The following CDH20 variants were observed in gnomAD, a reference collection of about 807,000 sequenced individuals.
The protein encoded by CDH20 is cadherin-20.
CDH20 carries 29 observed loss-of-function variants against 74.2 expected under a neutral mutation model. That is an observed-to-expected ratio of 0.39 (90% CI 0.29 to 0.53). CDH20 has a LOEUF of 0.53. Ranked by LOEUF, CDH20 falls within the 20% of genes least tolerant of loss-of-function variation. The pLI is 0.69. For missense variants in CDH20, 988 were observed against 1,048.3 expected, an observed-to-expected ratio of 0.94 and a Z score of 0.79; for synonymous variants, 469 against 405.4, an observed-to-expected ratio of 1.16 and a Z score of -1.88.
chr18:61,517,248 C>T lies in CDH20; in HGVS notation c.1017+9688C>T, dbSNP rs1023625708. On this transcript the variant is annotated intron_variant, in intron 6 of 11. Transcript: ENST00000262717. ...CCAACCTACCAAAGAAAAAGTAAGA[C>T]TTCATCAAAGTTAAGAGTTTCTGCT... 5.9e-5 allele frequency among the ~76,000 whole-genome samples: 9 copies of T among 152,296 alleles called. No homozygotes were observed. The East Asian group carries it at 9.7e-4, about 16-fold the overall frequency.
chr18:61,447,648 A>C (rs1909246112), intron 1 of CDH20, among the ~76,000 whole-genome samples: 1 of 152,214 alleles, frequency 6.6e-6, no homozygotes, highest in Non-Finnish European at 1.5e-5. Flanking sequence ...GGGTGAGTAA[A>C]GTCTATGATT....
intron 1 of CDH20, among the ~76,000 whole-genome samples, chr18:61,358,928 CT>C (rs11422321): frequency 4.6e-5 from 7 of 151,756 alleles, no homozygotes; most frequent in African/African-American, 1.7e-4. Flanking sequence ...GTGCAATGGA[CT>C]TTTTTTTCTG....
At chr18:61,544,255 T>C (rs1732400671) in intron 9 of CDH20, among the ~76,000 whole-genome samples, 1 of 152,202 alleles carries the variant, frequency 6.6e-6, no homozygotes, top group Non-Finnish European at 1.5e-5. Context: ...GGAGCGCTTT[T>C]GGGCTCTGGC....
rs34829043 is a variant in CDH20 at position 61,532,532 on chromosome 18, G to GTA, written c.1272-3938_1272-3937dup. Among the ~76,000 whole-genome samples, 242 of 145,498 alleles carry GTA rather than the reference G, an allele frequency of 1.7e-3. 4 individuals carry two copies. Among genetic ancestry groups the GTA allele is most frequent in the African/African-American group, 3.9e-3 (155 of 39,798 alleles). On this transcript the variant is annotated intron_variant, in intron 7 of 11. Coordinates refer to ENST00000262717, the MANE Select transcript of CDH20 (RefSeq NM_031891.4). Reference sequence around the variant, plus strand: ...AACTGTATACATGTGTGTATTGTATGTATATATATATATATATATATATAC... The same window carrying GTA: ...AACTGTATACATGTGTGTATTGTATGTATATATATATATATATATATATATAC...
chr18:61,362,239 A>G (rs1910716736), intron 1 of CDH20, among the ~76,000 whole-genome samples: 1 of 152,226 alleles, frequency 6.6e-6, no homozygotes, highest in Non-Finnish European at 1.5e-5. Context: ...GGTTCAATGT[A>G]GTGTTTAAAA....
At chr18:61,334,675 T>C (rs566998199) in intron 1 of CDH20, among the ~76,000 whole-genome samples, 1 of 151,934 alleles carries the variant, frequency 6.6e-6, no homozygotes, top group Admixed American at 6.6e-5. Context: ...GGGGCAGCAG[T>C]GGGGGCTGAA....
At chr18:61,348,408 T>C (rs575014239) in intron 1 of CDH20, among the ~76,000 whole-genome samples, 19 of 152,310 alleles carry the variant, frequency 1.2e-4, no homozygotes, top group South Asian at 1.2e-3. Context: ...CCATGTTTTA[T>C]GGTATCCTCA....
chr18:61,512,657 T>C (rs887701359), intron 6 of CDH20, among the ~76,000 whole-genome samples: 1 of 152,226 alleles, frequency 6.6e-6, no homozygotes, highest in African/African-American at 2.4e-5. Flanking sequence ...TAATATAATA[T>C]ATTTAAAGAC....
intron 1 of CDH20, among the ~76,000 whole-genome samples, chr18:61,476,706 T>G (rs936971936): frequency 1.3e-5 from 2 of 152,218 alleles, no homozygotes; most frequent in African/African-American, 2.4e-5. Context: ...TCTGATGCAC[T>G]TGAAATGGCT....
chr18:61,461,398 T>C (rs1247259567), intron 1 of CDH20, among the ~76,000 whole-genome samples: 1 of 150,856 alleles, frequency 6.6e-6, no homozygotes, highest in Non-Finnish European at 1.5e-5. Flanking sequence ...AAAATTAAGA[T>C]GTTGGGAGGA....
intron 1 of CDH20, among the ~76,000 whole-genome samples, chr18:61,456,603 A>C (rs1378567449): frequency 6.6e-6 from 1 of 152,180 alleles, no homozygotes; most frequent in East Asian, 1.9e-4. Context: ...TAGCCACAAA[A>C]ACCTAGTTTT....
At chr18:61,350,712 G>A (rs1204770576) in intron 1 of CDH20, among the ~76,000 whole-genome samples, 1 of 152,154 alleles carries the variant, frequency 6.6e-6, no homozygotes, top group Admixed American at 6.5e-5. Context: ...TATGTCAGGT[G>A]ATCCTTCTGA....
Position 61,555,511 on chromosome 18 carries a change from T to A in CDH20, c.*816T>A, listed in dbSNP as rs1913600243. 3 of 985,418 alleles carry A rather than the reference T, an allele frequency of 3.0e-6. No homozygotes were observed. The highest frequency in any genetic ancestry group is 3.6e-6 in the Non-Finnish European group (3 of 829,934). 61.0% of individuals were successfully genotyped at this position (985,418 alleles called of 1,614,324 possible). ...CCATGTGCCAAATGTGGAGATTAGA[T>A]GCTACAAATGAAAGCCAAATAAAAA... On this transcript the variant is annotated 3_prime_UTR_variant, in exon 12 of 12. Transcript: ENST00000262717.
At chr18:61,410,257 A>G (rs1912452589) in intron 1 of CDH20, among the ~76,000 whole-genome samples, 1 of 152,230 alleles carries the variant, frequency 6.6e-6, no homozygotes, top group Non-Finnish European at 1.5e-5. Flanking sequence ...AATATTAAAA[A>G]ATAACAGCAA....
intron 7 of CDH20, among the ~76,000 whole-genome samples, chr18:61,530,983 C>G (rs1003608660): frequency 2.0e-5 from 3 of 152,224 alleles, no homozygotes; most frequent in Admixed American, 1.3e-4. Context: ...GCCGATTCTG[C>G]TCATAGGAGG....
intron 1 of CDH20, among the ~76,000 whole-genome samples, chr18:61,372,967 A>T (rs557084268): frequency 1.2e-4 from 19 of 152,152 alleles, no homozygotes; most frequent in African/African-American, 4.6e-4. Flanking sequence ...TAATTCTTCC[A>T]GTACACTCTA....
At chr18:61,383,521 C>T (rs1156823912) in intron 1 of CDH20, among the ~76,000 whole-genome samples, 4 of 152,060 alleles carry the variant, frequency 2.6e-5, no homozygotes, top group African/African-American at 9.7e-5. Flanking sequence ...GCGGAGGTTG[C>T]AGTGAACCTA....
At chr18:61,469,452 C>A (rs187046135) in intron 1 of CDH20, among the ~76,000 whole-genome samples, 1 of 152,104 alleles carries the variant, frequency 6.6e-6, no homozygotes. Flanking sequence ...GGTTGTCACA[C>A]ACACAGGTGA....
At chr18:61,543,146 G>T (rs1408818785) in intron 9 of CDH20, among the ~76,000 whole-genome samples, 2 of 152,128 alleles carry the variant, frequency 1.3e-5, no homozygotes, top group African/African-American at 4.8e-5. Context: ...TGTCCAAAAG[G>T]CCCCGATGGG....
Sources: allele counts gnomAD v4.1 joint callset (sites outside exome capture counted in the v4.1 genomes callset), GRCh38; gene constraint gnomAD v4.1.1; transcripts MANE v1.5; gene names NCBI Gene and HGNC (gene_info 2026-07-23, HGNC 2026-07-21).